PDE11A: variants seen among roughly 807,000 people sequenced by gnomAD.
PDE11A encodes phosphodiesterase 11A.
A neutral mutation model predicts 100.5 loss-of-function variants in PDE11A; 100 were observed. That is an observed-to-expected ratio of 1.00 (90% confidence interval 0.85 to 1.18). The LOEUF (loss-of-function observed/expected upper bound fraction) is 1.18, where lower values mean the gene tolerates loss of function less well. Among genes scored for constraint, PDE11A ranks in the 50% most tolerant of loss-of-function variants. The probability of loss-of-function intolerance (pLI) is 0.00; values close to 1 mark genes in which losing one functional copy is unlikely to be tolerated. For missense variants in PDE11A, 1,141 were observed against 1,152.6 expected, an observed-to-expected ratio of 0.99 and a Z score of 0.15; for synonymous variants, 381 against 420.8, an observed-to-expected ratio of 0.91 and a Z score of 1.16.
intron 10 of PDE11A, among the ~76,000 whole-genome samples, chr2:177,749,562 T>C (rs2081999884): frequency 6.6e-6 from 1 of 152,184 alleles, no homozygotes; most frequent in Non-Finnish European, 1.5e-5. Flanking sequence ...CTATTTTCTA[T>C]GGCTACTGTC....
intron 2 of PDE11A, among the ~76,000 whole-genome samples, chr2:178,003,592 G>A (rs1487772155): frequency 6.6e-6 from 1 of 152,092 alleles, no homozygotes; most frequent in Non-Finnish European, 1.5e-5. Context: ...GAAATGGGGA[G>A]TGACTGCTAA....
chr2:178,012,374 A>T (rs1017192304), intron 2 of PDE11A, among the ~76,000 whole-genome samples: 51 of 152,320 alleles, frequency 3.3e-4, no homozygotes, highest in Admixed American at 1.3e-3. Context: ...TTAATTATTT[A>T]AAAAAATTGT....
At chr2:177,754,971 C>T (rs2082071827) in intron 10 of PDE11A, among the ~76,000 whole-genome samples, 2 of 152,204 alleles carry the variant, frequency 1.3e-5, no homozygotes, top group Admixed American at 1.3e-4. Context: ...CTTAATTCTC[C>T]AGCAGGTCCC....
intron 2 of PDE11A, among the ~76,000 whole-genome samples, chr2:177,941,902 G>A (rs1187101821): frequency 6.6e-6 from 1 of 152,136 alleles, no homozygotes; most frequent in Non-Finnish European, 1.5e-5. Flanking sequence ...ACAGGCTCAG[G>A]CAGCATAAAT....
chr2:177,794,814 C>G (rs2082682889), intron 9 of PDE11A, among the ~76,000 whole-genome samples: 1 of 152,048 alleles, frequency 6.6e-6, no homozygotes, highest in African/African-American at 2.4e-5. Context: ...GAGACAGAGT[C>G]TCGCACTGTT....
chr2:178,028,400 C>A (rs1301824454), intron 1 of PDE11A, among the ~76,000 whole-genome samples: 1 of 151,682 alleles, frequency 6.6e-6, no homozygotes, highest in Non-Finnish European at 1.5e-5. Context: ...GGGGGGAAGT[C>A]ATTCAGAGGA....
chr2:177,923,633 TG>T (rs2085086193), intron 2 of PDE11A, among the ~76,000 whole-genome samples: 1 of 152,322 alleles, frequency 6.6e-6, no homozygotes, highest in African/African-American at 2.4e-5. Flanking sequence ...AGTAGAGCTT[TG>T]GGCTAAGAGG....
chr2:177,914,640 G>A (rs2105746479), intron 2 of PDE11A, among the ~76,000 whole-genome samples: 1 of 152,196 alleles, frequency 6.6e-6, no homozygotes, highest in East Asian at 1.9e-4. Context: ...ATAAATGCAG[G>A]AAGCTACACA....
At chr2:178,041,404 C>T (rs991070110) in intron 1 of PDE11A, among the ~76,000 whole-genome samples, 26 of 151,814 alleles carry the variant, frequency 1.7e-4, no homozygotes, top group Admixed American at 7.2e-4. Context: ...CCACCACGCC[C>T]GGCTAATTTT....
intron 1 of PDE11A, among the ~76,000 whole-genome samples, chr2:178,053,203 G>A (rs2086851183): frequency 6.6e-6 from 1 of 152,194 alleles, no homozygotes; most frequent in Non-Finnish European, 1.5e-5. Context: ...TGCAAGGCTG[G>A]TTCAACATAC....
At chr2:177,725,124 G>A (rs1175200055) in intron 12 of PDE11A, among the ~76,000 whole-genome samples, 1 of 152,076 alleles carries the variant, frequency 6.6e-6, no homozygotes, top group East Asian at 1.9e-4. Flanking sequence ...CCCATTGGTG[G>A]TAAGAAATAG....
chr2:177,685,296 C>T (rs76753817), intron 15 of PDE11A, among the ~76,000 whole-genome samples: 1,861 of 152,254 alleles, frequency 0.012, 47 homozygotes, highest in African/African-American at 0.041. Context: ...GGTAAGTAAA[C>T]AACACAAAAT....
At chr2:177,642,929 T>C (rs1411751581) in intron 19 of PDE11A, among the ~76,000 whole-genome samples, 3 of 152,346 alleles carry the variant, frequency 2.0e-5, no homozygotes, top group Non-Finnish European at 4.4e-5. Flanking sequence ...AATGGGAGTT[T>C]CCCTGTACAA....
At chr2:177,873,109 G>C (rs556446258) in intron 5 of PDE11A, among the ~76,000 whole-genome samples, 1 of 152,078 alleles carries the variant, frequency 6.6e-6, no homozygotes, top group Non-Finnish European at 1.5e-5. Flanking sequence ...ATTTCATTTT[G>C]ACATGGAAGT....
At chr2:178,004,767 C>G (rs556875350) in intron 2 of PDE11A, among the ~76,000 whole-genome samples, 1 of 135,730 alleles carries the variant, frequency 7.4e-6, no homozygotes, top group Admixed American at 7.1e-5. Context: ...GCTCTCCTTA[C>G]CCCCCAAACT....
At chr2:177,687,460 A>T (rs1231828913) in intron 15 of PDE11A, 1 of 152,216 alleles carries the variant, frequency 6.6e-6, no homozygotes, top group Non-Finnish European at 1.5e-5. Flanking sequence ...TGCTTTTTCC[A>T]TTCAATGCTT....
rs940832201 is a variant in PDE11A, at chr2:177,871,560, T to G, written c.1367+4299A>C. ...ATTATTATTATTATTATTATTATTA[T>G]TATTATTATTATTTTAAATCTTAGG... On this transcript the variant is annotated intron_variant, in intron 5 of 19. Coordinates refer to ENST00000286063, the MANE Select transcript of PDE11A (RefSeq NM_016953.4). Among the ~76,000 whole-genome samples, 1,429 of 146,704 alleles carry G rather than the reference T, an allele frequency of 9.7e-3. 23 individuals are homozygous for G. Among genetic ancestry groups the G allele is most frequent in the African/African-American group, 0.034 (1,360 of 40,146 alleles).
chr2:178,012,875 A>G (rs1534290), intron 2 of PDE11A, among the ~76,000 whole-genome samples: 49,394 of 152,120 alleles, frequency 0.32, 10,089 homozygotes, highest in East Asian at 0.55. Flanking sequence ...CAAAACCCAC[A>G]TCCTTCTACC....
rs139711200 is a variant in PDE11A at position 177,658,328 on chromosome 2, T to A, written c.2646+5538A>T. Among the ~76,000 whole-genome samples, 785 of 152,296 alleles carry A rather than the reference T, an allele frequency of 5.2e-3. 4 individuals carry two copies. The highest frequency in any genetic ancestry group is 8.3e-3 in the Non-Finnish European group (563 of 68,008). On this transcript the variant is annotated intron_variant, in intron 19 of 19. Transcript: ENST00000286063. ...TCAAGTTTAAATAATAGTCCCTGAA[T>A]GCAGCCACCACCCTACTCCCCATCA...
Sources: allele counts gnomAD v4.1 joint callset (sites outside exome capture counted in the v4.1 genomes callset), GRCh38; gene constraint gnomAD v4.1.1; transcripts MANE v1.5; gene names NCBI Gene and HGNC (gene_info 2026-07-23, HGNC 2026-07-21).